Variants in ARID3A observed in about 807,000 individuals in gnomAD.
ARID3A encodes AT-rich interaction domain 3A.
ARID3A carries 11 observed loss-of-function variants against 52.7 expected under a neutral mutation model. The ratio of observed to expected loss-of-function variants is 0.21; its 90% confidence interval spans 0.13 to 0.35. The LOEUF (loss-of-function observed/expected upper bound fraction) is 0.35. ARID3A is among the 10% of genes least tolerant of loss of function. ARID3A has a pLI of 1.00. For missense variants in ARID3A, 721 were observed against 838.5 expected (o/e 0.86, Z 1.73); for synonymous variants, 404 against 359.4 (o/e 1.12, Z -1.40).
At position 932,594 on chromosome 19, in the gene ARID3A, C is replaced by T. The variant is rs756346008; in HGVS notation, c.545C>T (p.Ala182Val). The T allele has an allele frequency of 1.1e-5, 17 of 1,516,002 alleles. No individual in the cohort carries two copies. The African/African-American group carries it at 2.3e-4, about 20-fold the overall frequency. 93.9% of individuals were successfully genotyped at this position (1,516,002 alleles called of 1,614,324 possible). A position where few individuals can be genotyped will look rare whatever the true frequency, so the allele number is the denominator to read the frequency against. Residue 182 changes from alanine (A) to valine (V), a missense_variant, in exon 3 of 9, where the codon GCC becomes GTC. By Grantham distance (64) the Ala-to-Val change is moderately conservative. Around this residue, in one of 5 missense-constraint regions of ARID3A, gnomAD observed 349 missense variants for 297.3 expected, o/e 1.17. Coordinates refer to ENST00000263620, the MANE Select transcript of ARID3A (RefSeq NM_005224.3). ...LFPRKAQPPQ[A>V]FRGDGVPRVL... ...CCCCGAAAGGCCCAGCCACCCCAGG[C>T]CTTCCGCGGCGATGGCGTTCCCAGG...
chr19:933,141 G>C (rs1202075864), intron 3 of ARID3A, among the ~76,000 whole-genome samples: 1 of 152,188 alleles, frequency 6.6e-6, no homozygotes, highest in Non-Finnish European at 1.5e-5. Context: ...TGGTGACTTG[G>C]CCTCCTCTGT....
intron 3 of ARID3A, among the ~76,000 whole-genome samples, chr19:937,910 G>T (rs1211621926): frequency 6.6e-6 from 1 of 151,764 alleles, no homozygotes; most frequent in African/African-American, 2.4e-5. Flanking sequence ...GGGTTTCACC[G>T]TGTTAGCCAG....
At chr19:969,048 A>C (rs374016518) in intron 8 of ARID3A, among the ~76,000 whole-genome samples, 9 of 152,076 alleles carry the variant, frequency 5.9e-5, no homozygotes, top group Non-Finnish European at 2.9e-5. Flanking sequence ...ACGCCACTGC[A>C]CTCCAGCCTG....
intron 3 of ARID3A, among the ~76,000 whole-genome samples, chr19:951,599 T>A (rs889890056): frequency 4.0e-5 from 6 of 151,586 alleles, no homozygotes; most frequent in African/African-American, 1.5e-4. Context: ...ACCTCAGAGT[T>A]CCCCGGCTGG....
At chr19:963,705 TCTC>T (rs2038089426) in intron 4 of ARID3A, among the ~76,000 whole-genome samples, 1 of 151,944 alleles carries the variant, frequency 6.6e-6, no homozygotes. Flanking sequence ...CCCACAACCC[TCTC>T]CTCCTGGGCT....
At chr19:939,693 A>G (rs2037507084) in intron 3 of ARID3A, among the ~76,000 whole-genome samples, 1 of 151,968 alleles carries the variant, frequency 6.6e-6, no homozygotes. Context: ...GGATGTTCCG[A>G]GCCACCTGGT....
At chr19:957,954 A>G (rs2037956755) in intron 3 of ARID3A, 1 of 151,866 alleles carries the variant, frequency 6.6e-6, no homozygotes, top group Admixed American at 6.6e-5. Context: ...TACCCAAAAA[A>G]TACAAAAATT....
rs144567347 is a variant in ARID3A, at chr19:960,353, G to A, written c.766+189G>A. On this transcript the variant is annotated intron_variant, in intron 4 of 8. Transcript: ENST00000263620. This position sits in a 1 kb window ranked among gnomAD's most constrained non-coding sequence, Gnocchi z 4.3. ...ACACATCCTGCCATGGAGGTTTGAC[G>A]CGGGAGGCACGCCTGTGAGTCTAAG... 5.0e-3 allele frequency among the ~76,000 whole-genome samples: 764 copies of A among 152,218 alleles called. 8 individuals carry two copies. Among genetic ancestry groups the A allele is most frequent in the African/African-American group, 0.017 (718 of 41,532 alleles).
chr19:968,723 A>C (rs2038216627), intron 8 of ARID3A: 1 of 495,916 alleles, frequency 2.0e-6, no homozygotes, highest in African/African-American at 2.0e-5. Context: ...CCACAGATAC[A>C]TATTCAGTGT....
rs1430494733 is a variant in ARID3A at position 975,027 on chromosome 19, C to G, written c.*2962C>G. On this transcript the variant is annotated 3_prime_UTR_variant, in exon 9 of 9. Transcript: ENST00000263620. ...GAAGCCGTGTCTGCAGAGGCTCCTC[C>G]CTGCCTCAGGTGGCCCCGTTCAACC... is the stretch of plus-strand genomic sequence containing the variant. 2.2e-5 allele frequency: 5 copies of G among 232,314 alleles called. No individual in the cohort carries two copies. Among genetic ancestry groups the G allele is most frequent in the Non-Finnish European group, 3.4e-5 (4 of 117,566 alleles). The allele number at this position is 232,314 out of a possible 1,614,324, so 14.4% of individuals were successfully genotyped here.
rs1001525812 is a variant in ARID3A at position 972,385 on chromosome 19, G to A, written c.*320G>A. On this transcript the variant is annotated 3_prime_UTR_variant, in exon 9 of 9. Coordinates refer to ENST00000263620, the MANE Select transcript of ARID3A (RefSeq NM_005224.3). ...ATCAGAAAAACAGAAAGAGGCAGACGTTTCCCAGGGCGTTCAGGCAGCCCT... is the reference window on the plus strand; with the variant it reads ...ATCAGAAAAACAGAAAGAGGCAGACATTTCCCAGGGCGTTCAGGCAGCCCT... 7.3e-5 allele frequency: 16 copies of A among 217,884 alleles called. No individual in the cohort carries two copies. The highest frequency in any genetic ancestry group is 7.0e-4 in the Admixed American group (12 of 17,214). The allele number at this position is 217,884 out of a possible 1,614,324, so 13.5% of individuals were successfully genotyped here. A position where few individuals can be genotyped will look rare whatever the true frequency, so the allele number is the denominator to read the frequency against.
chr19:960,142 G>A lies in ARID3A; in HGVS notation c.744G>A (p.Leu248=), dbSNP rs1224758590. 6.2e-7 allele frequency: 1 copy of A among 1,612,874 alleles called. No homozygotes were observed. Residue 248 remains leucine, a synonymous_variant, in exon 4 of 9, where the codon TTG becomes TTA. Transcript: ENST00000263620. The surrounding 1 kb of genome is among the most constrained non-coding windows in gnomAD (Gnocchi z 4.3). ...DPKRKEFLDD[L]FSFMQKRGTP... is the part of the protein sequence containing the mutation. ...AGAGGAAGGAATTCCTGGATGACTT[G>A]TTCAGCTTCATGCAGAAGCGAGGTG...
chr19:964,181 G>A lies in ARID3A; in HGVS notation c.767-67G>A. On this transcript the variant is annotated intron_variant, in intron 4 of 8. Coordinates refer to ENST00000263620, the MANE Select transcript of ARID3A (RefSeq NM_005224.3). The surrounding 1 kb of genome is among the most constrained non-coding windows in gnomAD (Gnocchi z 5.7). ...GTGCTCCTGGCATGGAGAGGGCGGA[G>A]GCCAGGACACTCGGCTCCCTGCAGT... 1.4e-6 allele frequency: 2 copies of A among 1,391,702 alleles called. No homozygotes were observed. The highest frequency in any genetic ancestry group is 1.8e-5 in the Admixed American group (1 of 54,560). The allele number at this position is 1,391,702 out of a possible 1,614,324, so 86.2% of individuals were successfully genotyped here.
intron 3 of ARID3A, among the ~76,000 whole-genome samples, chr19:948,447 C>T (rs758122536): frequency 9.2e-5 from 14 of 152,148 alleles, no homozygotes; most frequent in Non-Finnish European, 1.6e-4. Context: ...CCTGCGGGGC[C>T]ACAGCGCCAG....
chr19:951,060 G>T (rs1213706995), intron 3 of ARID3A, among the ~76,000 whole-genome samples: 1 of 151,750 alleles, frequency 6.6e-6, no homozygotes, highest in Admixed American at 6.6e-5. Flanking sequence ...GACCTCAGGT[G>T]ATCCGCCCGC....
chr19:969,769 C>T (rs1429524756), intron 8 of ARID3A, among the ~76,000 whole-genome samples: 1 of 150,088 alleles, frequency 6.7e-6, no homozygotes, highest in Non-Finnish European at 1.5e-5. Flanking sequence ...CTCACTGCAA[C>T]CTGTGCCTCC....
chr19:931,965 T>C (rs1197460213), intron 2 of ARID3A, among the ~76,000 whole-genome samples: 3 of 149,812 alleles, frequency 2.0e-5, no homozygotes, highest in Non-Finnish European at 4.4e-5. Flanking sequence ...GCATGCATGG[T>C]GCAGGATGCA....
In ARID3A at chr19:947,956, G is replaced by A. The variant is rs868414984; in HGVS notation, c.694-12136G>A. Among the ~76,000 whole-genome samples the A allele has an allele frequency of 6.6e-6, 1 of 152,284 alleles. No individual in the cohort carries two copies. Among genetic ancestry groups the A allele is most frequent in the Non-Finnish European group, 1.5e-5 (1 of 68,008 alleles). On this transcript the variant is annotated intron_variant, in intron 3 of 8. Coordinates refer to ENST00000263620, the MANE Select transcript of ARID3A (RefSeq NM_005224.3). This position sits in a 1 kb window ranked among gnomAD's most constrained non-coding sequence, Gnocchi z 6.3. ...GACCTCGTGGCTTAGGCAGGCGGGGGAGCCCCCCGGCTGGTCAGGTGCACG... is the reference window on the plus strand; with the variant it reads ...GACCTCGTGGCTTAGGCAGGCGGGGAAGCCCCCCGGCTGGTCAGGTGCACG...
chr19:962,334 C>T (rs1018953354), intron 4 of ARID3A, among the ~76,000 whole-genome samples: 6 of 152,080 alleles, frequency 3.9e-5, no homozygotes, highest in African/African-American at 9.7e-5. Flanking sequence ...ACACCCTCTC[C>T]CCTCAGCAGC....
Sources: gnomAD v4.1 joint callset for allele counts (sites outside exome capture counted in the v4.1 genomes callset) on GRCh38, gnomAD v4.1.1 for gene constraint, gnomAD v4.1.1 regional missense constraint, Gnocchi (gnomAD v3.1) non-coding constraint, MANE v1.5 for transcripts, NCBI Gene and HGNC (gene_info 2026-07-23, HGNC 2026-07-21) for gene names.